PEMT: variants seen among roughly 807,000 people sequenced by gnomAD.
The protein encoded by PEMT is phosphatidylethanolamine N-methyltransferase.
Under a neutral mutation model 27.4 loss-of-function variants are expected in PEMT, and 23 were observed. That is an observed-to-expected ratio of 0.84 (90% CI 0.60 to 1.19). The LOEUF (loss-of-function observed/expected upper bound fraction) is 1.19, where lower values mean the gene tolerates loss of function less well. Ranked by LOEUF, PEMT falls within the 50% of genes most tolerant of loss-of-function variation. The pLI is 0.00. For missense variants in PEMT, 307 were observed against 310.1 expected, an observed-to-expected ratio of 0.99 and a Z score of 0.07; for synonymous variants, 137 against 139.1, an observed-to-expected ratio of 0.98 and a Z score of 0.11.
intron 2 of PEMT, among the ~76,000 whole-genome samples, chr17:17,543,568 CT>C (rs991915377): frequency 6.0e-4 from 88 of 146,782 alleles, no homozygotes; most frequent in Admixed American, 6.8e-4. Context: ...CCAGCTTGTG[CT>C]TTTTTTTTTT....
At position 17,519,673 on chromosome 17, in the gene PEMT, G is replaced by T. The variant is rs114247392; in HGVS notation, c.320+2607C>A. 7.8e-3 allele frequency among the ~76,000 whole-genome samples: 1,185 copies of T among 152,316 alleles called. 12 individuals carry two copies. Among genetic ancestry groups the T allele is most frequent in the African/African-American group, 0.026 (1,093 of 41,572 alleles). On this transcript the variant is annotated intron_variant, in intron 3 of 6. Transcript: ENST00000255389. ...CTACTCTCTGCCTTGAAAAGGGGTG[G>T]ATGACGGGGGCAGACCTCCAGGGTC...
chr17:17,521,261 C>A (rs70963005), intron 3 of PEMT, among the ~76,000 whole-genome samples: 1 of 152,200 alleles, frequency 6.6e-6, no homozygotes, highest in Admixed American at 6.5e-5. Flanking sequence ...TGGAGAACCA[C>A]GTGGTCCATG....
intron 2 of PEMT, among the ~76,000 whole-genome samples, chr17:17,572,834 G>A (rs1911298372): frequency 6.6e-6 from 1 of 152,196 alleles, no homozygotes. Context: ...CATGCACTGG[G>A]CACAACACCT....
intron 2 of PEMT, among the ~76,000 whole-genome samples, chr17:17,541,826 GC>G (rs1908905907): frequency 6.6e-6 from 1 of 152,196 alleles, no homozygotes; most frequent in Non-Finnish European, 1.5e-5. Flanking sequence ...TGAGCCCCTT[GC>G]CCAGAGAGAA....
At chr17:17,534,808 G>C (rs1453180147) in intron 2 of PEMT, among the ~76,000 whole-genome samples, 1 of 152,090 alleles carries the variant, frequency 6.6e-6, no homozygotes, top group East Asian at 1.9e-4. Flanking sequence ...GGGCGACAGA[G>C]CAAGACCCCA....
chr17:17,588,848 G>T (rs1388496975), intron 1 of PEMT, among the ~76,000 whole-genome samples: 2 of 152,228 alleles, frequency 1.3e-5, no homozygotes, highest in Non-Finnish European at 2.9e-5. Context: ...GAGGAGCAAG[G>T]CTCCAGAATC....
In PEMT at chr17:17,505,852, C is replaced by A; in HGVS notation, c.654-4G>T. The A allele has an allele frequency of 1.2e-6, 2 of 1,608,248 alleles. No homozygotes were observed. The highest frequency in any genetic ancestry group is 1.7e-6 in the Non-Finnish European group (2 of 1,176,978). ...GTAGATCTCAGCGGTGAAGGGCCTGCCGGGCAGCGGGGAGAGGCTTCGGTC... is the reference window on the plus strand; with the variant it reads ...GTAGATCTCAGCGGTGAAGGGCCTGACGGGCAGCGGGGAGAGGCTTCGGTC... On this transcript the variant is annotated splice_polypyrimidine_tract_variant and splice_region_variant and intron_variant, in intron 6 of 6. Transcript: ENST00000255389.
intron 1 of PEMT, 51 bp from the exon 2 acceptor site, chr17:17,577,078 G>A: frequency 1.5e-6 from 2 of 1,364,210 alleles, no homozygotes; most frequent in East Asian, 2.3e-5. Flanking sequence ...CAGGGCCTGT[G>A]AGCCCCCAGG....
intron 1 of PEMT, among the ~76,000 whole-genome samples, chr17:17,578,096 G>T (rs889200326): frequency 5.3e-5 from 8 of 151,474 alleles, no homozygotes; most frequent in Admixed American, 5.3e-4. Flanking sequence ...TAGAAGAGCA[G>T]GCTGCATGAT....
chr17:17,541,264 C>A (rs925706140), intron 2 of PEMT, among the ~76,000 whole-genome samples: 13 of 152,352 alleles, frequency 8.5e-5, no homozygotes, highest in Non-Finnish European at 1.8e-4. Context: ...CCCTCACGCA[C>A]GGACAGGTGC....
At chr17:17,577,508 A>G (rs1911681296) in intron 1 of PEMT, 1 of 1,007,788 alleles carries the variant, frequency 9.9e-7, no homozygotes, top group Admixed American at 5.2e-5. Flanking sequence ...CGAGGGTGTG[A>G]GTGGGGCGGG....
At chr17:17,581,646 AGTCTCCCAATTAGGGCT>A (rs1911983208) in intron 1 of PEMT, among the ~76,000 whole-genome samples, 2 of 152,322 alleles carry the variant, frequency 1.3e-5, no homozygotes, top group African/African-American at 2.4e-5. Flanking sequence ...CATCCACCTG[AGTCTCCCAATTAGGGCT>A]GAACTGGTCA....
intron 1 of PEMT, among the ~76,000 whole-genome samples, chr17:17,585,964 T>C (rs1460910410): frequency 6.6e-6 from 1 of 150,908 alleles, no homozygotes; most frequent in Admixed American, 6.6e-5. Flanking sequence ...GCGCCTGTAG[T>C]CCCAGCTACT....
rs568405835 is a variant in PEMT at position 17,513,733 on chromosome 17, G to A, written c.321-1079C>T. Among the ~76,000 whole-genome samples the A allele has an allele frequency of 1.8e-4, 27 of 152,254 alleles. No individual in the cohort carries two copies. Among genetic ancestry groups the A allele is most frequent in the African/African-American group, 6.5e-4 (27 of 41,548 alleles). On this transcript the variant is annotated intron_variant, in intron 3 of 6. Transcript: ENST00000255389. The surrounding 1 kb of genome is among the most constrained non-coding windows in gnomAD (Gnocchi z 4.1). Reference sequence around the variant, plus strand: ...GCACAGGGGCTAGGCATGTGCTGATGTACCCAGGCCTCATCACAGGGGAGC... The same window carrying A: ...GCACAGGGGCTAGGCATGTGCTGATATACCCAGGCCTCATCACAGGGGAGC...
rs142883436 is a variant in PEMT, at chr17:17,525,316, G to A, written c.205-2921C>T. ...TAACCCATGTGGGAAAGAAAAAGAG[G>A]AAACCACGCCTTGCCTCCCAGCGAA... is the stretch of plus-strand genomic sequence containing the variant. On this transcript the variant is annotated intron_variant, in intron 2 of 6. Transcript: ENST00000255389. Among the ~76,000 whole-genome samples the A allele has an allele frequency of 2.2e-3, 332 of 152,262 alleles. 2 individuals carry two copies. The highest frequency in any genetic ancestry group is 7.8e-3 in the African/African-American group (322 of 41,542).
At position 17,513,827 on chromosome 17, in the gene PEMT, G is replaced by C. The variant is rs1247396968; in HGVS notation, c.321-1173C>G. 2.6e-5 allele frequency among the ~76,000 whole-genome samples: 4 copies of C among 152,118 alleles called. No individual in the cohort carries two copies. The highest frequency in any genetic ancestry group is 9.7e-5 in the African/African-American group (4 of 41,420). On this transcript the variant is annotated intron_variant, in intron 3 of 6. Coordinates refer to ENST00000255389, the MANE Select transcript of PEMT (RefSeq NM_148172.3). This position sits in a 1 kb window ranked among gnomAD's most constrained non-coding sequence, Gnocchi z 4.1. ...CACTCACAGGAAAGGCTGTGTGTGG[G>C]AGCACGGACATGTGTGACCAAATGT... is the stretch of plus-strand genomic sequence containing the variant.
rs1907443865 is a variant in PEMT at position 17,523,551 on chromosome 17, C to T, written c.205-1156G>A. On this transcript the variant is annotated intron_variant, in intron 2 of 6. Coordinates refer to ENST00000255389, the MANE Select transcript of PEMT (RefSeq NM_148172.3). This position sits in a 1 kb window ranked among gnomAD's most constrained non-coding sequence, Gnocchi z 4.8. ...CAGGAAGGAGAAGTGAAGGAGGTAG[C>T]TCCCGGGCCTTCCCCTCAACCAGCT... Among the ~76,000 whole-genome samples, 1 of 152,178 alleles carries T rather than the reference C, an allele frequency of 6.6e-6. No individual in the cohort carries two copies. Among genetic ancestry groups the T allele is most frequent in the Admixed American group, 6.5e-5 (1 of 15,282 alleles).
chr17:17,509,490 G>C lies in PEMT; in HGVS notation c.522C>G (p.Ile174Met). The part of the protein sequence containing the change: ...EARVTVFPFN[I>M]LDNPMYWGST... Reference sequence around the variant, plus strand: ...TTCCCCAGTACATGGGGTTGTCCAGGATGTTGAAGGGGAACACGGTCACTC... The same window carrying C: ...TTCCCCAGTACATGGGGTTGTCCAGCATGTTGAAGGGGAACACGGTCACTC... Residue 174 changes from isoleucine (I) to methionine (M), a missense_variant, in exon 5 of 7, where the codon ATC becomes ATG. By Grantham distance (10) the Ile-to-Met change is conservative. Transcript: ENST00000255389. The C allele has an allele frequency of 1.2e-6, 2 of 1,614,088 alleles. No individual in the cohort carries two copies. Among genetic ancestry groups the C allele is most frequent in the Non-Finnish European group, 1.7e-6 (2 of 1,179,924 alleles).
At chr17:17,562,801 T>C (rs919999234) in intron 2 of PEMT, among the ~76,000 whole-genome samples, 3 of 150,856 alleles carry the variant, frequency 2.0e-5, no homozygotes, top group African/African-American at 7.3e-5. Flanking sequence ...AGAGCAAGAG[T>C]CTGTCTCAAG....
Sources: gnomAD v4.1 joint callset for allele counts (sites outside exome capture counted in the v4.1 genomes callset) on GRCh38, gnomAD v4.1.1 for gene constraint, Gnocchi (gnomAD v3.1) non-coding constraint, MANE v1.5 for transcripts, NCBI Gene and HGNC (gene_info 2026-07-23, HGNC 2026-07-21) for gene names.